RHOT1: variants seen among roughly 807,000 people sequenced by gnomAD.
The protein encoded by RHOT1 is ras homolog family member T1.
A neutral mutation model predicts 95.3 loss-of-function variants in RHOT1; 27 were observed. That is an observed-to-expected ratio of 0.28 (90% CI 0.21 to 0.39). The LOEUF is 0.39. RHOT1 is among the 10% of genes least tolerant of loss of function. RHOT1 has a pLI of 1.00. For missense variants in RHOT1, 578 were observed against 786.7 expected (o/e 0.73, Z 3.17); for synonymous variants, 227 against 263.5 (o/e 0.86, Z 1.34).
intron 8 of RHOT1, 79 bp from the exon 9 acceptor site, chr17:32,192,122 A>T: frequency 1.3e-6 from 1 of 760,068 alleles, no homozygotes. Flanking sequence ...ATATTATGTA[A>T]AAATAATCAG....
intron 19 of RHOT1, among the ~76,000 whole-genome samples, chr17:32,216,946 T>G (rs1056585558): frequency 6.6e-6 from 1 of 152,208 alleles, no homozygotes; most frequent in African/African-American, 2.4e-5. Flanking sequence ...GTTTGTGAAT[T>G]TGTATACATA....
chr17:32,182,717 C>G (rs769483012), intron 6 of RHOT1, 40 bp from the exon 7 acceptor site: 1 of 1,154,574 alleles, frequency 8.7e-7, no homozygotes, highest in Non-Finnish European at 1.3e-6. Context: ...AATTTAATGT[C>G]TTTTGCCTTC....
rs576229727 is a variant in RHOT1, at chr17:32,167,196, C to CT, written c.38-3835dup. Reference sequence around the variant, plus strand: ...TGAGCAGTAATATTTTGAAAGGAATCTTTTTTTTTTTTGAGGAGTAGGTCT... The same window carrying CT: ...TGAGCAGTAATATTTTGAAAGGAATCTTTTTTTTTTTTTGAGGAGTAGGTCT... On this transcript the variant is annotated intron_variant, in intron 1 of 19. Transcript: ENST00000545287. Among the ~76,000 whole-genome samples, 541 of 145,424 alleles carry CT rather than the reference C, an allele frequency of 3.7e-3. 3 individuals are homozygous for CT. Among genetic ancestry groups the CT allele is most frequent in the South Asian group, 0.024 (109 of 4,600 alleles).
chr17:32,213,435 C>T (rs1227090525), intron 19 of RHOT1, among the ~76,000 whole-genome samples: 1 of 152,028 alleles, frequency 6.6e-6, no homozygotes, highest in Non-Finnish European at 1.5e-5. Context: ...TATAGTATTC[C>T]ACCAGAGAAC....
intron 3 of RHOT1, among the ~76,000 whole-genome samples, chr17:32,174,258 A>G (rs2034815386): frequency 6.6e-6 from 1 of 152,262 alleles, no homozygotes; most frequent in African/African-American, 2.4e-5. Context: ...AAAATATGTC[A>G]TTAATTTTTC....
intron 18 of RHOT1, chr17:32,208,636 G>C (rs1489083481): frequency 1.0e-5 from 2 of 200,866 alleles, no homozygotes; most frequent in African/African-American, 4.6e-5. Context: ...GTTGTTTTAT[G>C]CTTATAAAGC....
At chr17:32,163,469 C>T (rs561986015) in intron 1 of RHOT1, among the ~76,000 whole-genome samples, 44 of 152,182 alleles carry the variant, frequency 2.9e-4, no homozygotes, top group African/African-American at 5.1e-4. Context: ...TGGTGGCTCA[C>T]GCCTGGTAAT....
At chr17:32,146,536 C>G (rs2031358806) in intron 1 of RHOT1, among the ~76,000 whole-genome samples, 1 of 151,350 alleles carries the variant, frequency 6.6e-6, no homozygotes, top group African/African-American at 2.4e-5. Flanking sequence ...AGCTCCACCT[C>G]CCAGGTTCAG....
At chr17:32,156,063 A>T (rs1377623739) in intron 1 of RHOT1, among the ~76,000 whole-genome samples, 1 of 152,200 alleles carries the variant, frequency 6.6e-6, no homozygotes, top group African/African-American at 2.4e-5. Context: ...TTATTTAAGG[A>T]AAAAGGGTTA....
chr17:32,192,668 T>TC, intron 9 of RHOT1, among the ~76,000 whole-genome samples: 1 of 150,392 alleles, frequency 6.6e-6, no homozygotes, highest in African/African-American at 2.4e-5. Flanking sequence ...GTTTTACTTT[T>TC]TTTTTTTTTT....
intron 1 of RHOT1, among the ~76,000 whole-genome samples, chr17:32,146,899 A>AT (rs71144808): frequency 0.029 from 2,887 of 98,024 alleles, 163 homozygotes; most frequent in African/African-American, 0.073. Flanking sequence ...ATTTTTGTAA[A>AT]TTTTTTTTTT....
In RHOT1 at chr17:32,202,913, G is replaced by A. The variant is rs946423138; in HGVS notation, c.1332+13G>A. 25 of 1,603,848 alleles carry A rather than the reference G, an allele frequency of 1.6e-5. No individual in the cohort carries two copies. Among genetic ancestry groups the A allele is most frequent in the Middle Eastern group, 1.7e-4 (1 of 6,048 alleles). Reference sequence around the variant, plus strand: ...AAGAAACTTAATGGTGAGAGTTCTCGTAAAATACAATTTTATCCAACAAAT... The same window carrying A: ...AAGAAACTTAATGGTGAGAGTTCTCATAAAATACAATTTTATCCAACAAAT... On this transcript the variant is annotated intron_variant, in intron 15 of 19. Transcript: ENST00000545287.
rs538878416 is a variant in RHOT1, at chr17:32,220,598, G to T, written c.1863-4018G>T. 3.9e-5 allele frequency among the ~76,000 whole-genome samples: 6 copies of T among 152,158 alleles called. 1 individual carries two copies. The highest frequency in any genetic ancestry group is 1.4e-4 in the African/African-American group (6 of 41,516). On this transcript the variant is annotated intron_variant, in intron 19 of 19. Coordinates refer to ENST00000545287, the MANE Select transcript of RHOT1 (RefSeq NM_001033566.3). ...TCCTGTAATCCCAGCACTTTGGGAG[G>T]CTGAGGCAGACAGATCACTTGAGGT...
intron 18 of RHOT1, chr17:32,209,544 T>C (rs2037984691): frequency 1.1e-5 from 8 of 721,114 alleles, no homozygotes; most frequent in Non-Finnish European, 1.9e-5. Context: ...ATTTAGTAAT[T>C]ATGTAGAAAC....
intron 6 of RHOT1, among the ~76,000 whole-genome samples, chr17:32,178,203 T>TCC (rs35643539): frequency 1.3e-3 from 116 of 91,030 alleles, no homozygotes; most frequent in African/African-American, 3.5e-3. Context: ...ATAAATGCCC[T>TCC]CCCCCCCCCC....
intron 19 of RHOT1, among the ~76,000 whole-genome samples, chr17:32,212,663 T>TG (rs1200207170): frequency 6.6e-6 from 1 of 152,160 alleles, no homozygotes; most frequent in Non-Finnish European, 1.5e-5. Context: ...TTTTTGCTTT[T>TG]GCTTTTATTA....
chr17:32,181,276 C>G (rs1158568271), intron 6 of RHOT1, among the ~76,000 whole-genome samples: 3 of 152,146 alleles, frequency 2.0e-5, no homozygotes, highest in Non-Finnish European at 4.4e-5. Context: ...AAAAGAAAAT[C>G]TTTAATTCCC....
At chr17:32,221,826 A>G (rs1307576157) in intron 19 of RHOT1, among the ~76,000 whole-genome samples, 1 of 152,200 alleles carries the variant, frequency 6.6e-6, no homozygotes, top group Non-Finnish European at 1.5e-5. Context: ...GTCTTAAAAC[A>G]CAAGGGAGAC....
At chr17:32,205,175 AC>A (rs1487002997) in intron 16 of RHOT1, among the ~76,000 whole-genome samples, 1 of 149,466 alleles carries the variant, frequency 6.7e-6, no homozygotes. Context: ...CTTGCCCCTC[AC>A]CCCCTGACAG....
Sources: gnomAD v4.1 joint callset for allele counts (sites outside exome capture counted in the v4.1 genomes callset) on GRCh38, gnomAD v4.1.1 for gene constraint, MANE v1.5 for transcripts, NCBI Gene and HGNC (gene_info 2026-07-23, HGNC 2026-07-21) for gene names.